The following PTPRD variants were observed in gnomAD, a reference collection of about 807,000 sequenced individuals.
The protein encoded by PTPRD is protein tyrosine phosphatase receptor type D.
A neutral mutation model predicts 214.5 loss-of-function variants in PTPRD; 34 were observed. The observed-to-expected ratio is 0.16, with a 90% confidence interval of 0.12 to 0.21. PTPRD has a LOEUF of 0.21. PTPRD is among the 10% of genes least tolerant of loss of function. PTPRD has a pLI of 1.00. For missense variants in PTPRD, 2,545 were observed against 2,398.7 expected, an observed-to-expected ratio of 1.06 and a Z score of -1.27; for synonymous variants, 1,128 against 845.7, an observed-to-expected ratio of 1.33 and a Z score of -5.79.
intron 11 of PTPRD, among the ~76,000 whole-genome samples, chr9:8,918,745 T>C (rs2098804843): frequency 6.6e-6 from 1 of 152,186 alleles, no homozygotes; most frequent in Admixed American, 6.5e-5. Context: ...TTCAGATATT[T>C]CTATTCGGAT....
At chr9:9,240,105 A>C (rs2099969632) in intron 9 of PTPRD, among the ~76,000 whole-genome samples, 1 of 152,286 alleles carries the variant, frequency 6.6e-6, no homozygotes, top group African/African-American at 2.4e-5. Flanking sequence ...AAATTCAATA[A>C]GATATAAGTG....
chr9:8,938,305 A>G (rs1387423289), intron 11 of PTPRD, among the ~76,000 whole-genome samples: 2 of 152,002 alleles, frequency 1.3e-5, no homozygotes, highest in East Asian at 3.9e-4. Context: ...AGGAGGGAGA[A>G]GAGAGAAGAG....
chr9:10,464,504 T>C (rs1172959670), intron 2 of PTPRD, among the ~76,000 whole-genome samples: 1 of 150,548 alleles, frequency 6.6e-6, no homozygotes, highest in African/African-American at 2.4e-5. Context: ...AAGATGAAGA[T>C]GAAGATGAAG....
chr9:10,061,397 A>G (rs910190892), intron 3 of PTPRD, among the ~76,000 whole-genome samples: 4 of 152,084 alleles, frequency 2.6e-5, no homozygotes, highest in Non-Finnish European at 4.4e-5. Context: ...TTCAGATTAC[A>G]TTGCTTAGCA....
intron 3 of PTPRD, among the ~76,000 whole-genome samples, chr9:10,275,913 A>G (rs984730286): frequency 6.6e-6 from 1 of 152,190 alleles, no homozygotes; most frequent in Non-Finnish European, 1.5e-5. Flanking sequence ...GGGGTTTGAG[A>G]GCCAGTGTAA....
At chr9:8,638,305 A>G (rs1029202808) in intron 12 of PTPRD, among the ~76,000 whole-genome samples, 1 of 152,046 alleles carries the variant, frequency 6.6e-6, no homozygotes, top group African/African-American at 2.4e-5. Context: ...TCTTCTCTGT[A>G]TTGATTTCAT....
At chr9:8,614,077 T>C (rs977100802) in intron 14 of PTPRD, among the ~76,000 whole-genome samples, 16 of 152,260 alleles carry the variant, frequency 1.1e-4, no homozygotes, top group Middle Eastern at 3.4e-3. Context: ...ATTTTTAATA[T>C]ACTGTCATTC....
At chr9:8,744,839 G>A (rs938139095) in intron 11 of PTPRD, among the ~76,000 whole-genome samples, 13 of 152,126 alleles carry the variant, frequency 8.5e-5, no homozygotes, top group African/African-American at 2.4e-4. Flanking sequence ...TAATCCCAAC[G>A]TTGTCCTCAT....
intron 8 of PTPRD, among the ~76,000 whole-genome samples, chr9:9,439,442 T>C (rs887937366): frequency 6.6e-6 from 1 of 152,188 alleles, no homozygotes; most frequent in Non-Finnish European, 1.5e-5. Context: ...AATAATGTGA[T>C]AAACTATTGG....
At position 9,692,654 on chromosome 9, in the gene PTPRD, T is replaced by C. The variant is rs946642431; in HGVS notation, c.-287+41879A>G. ...AAATTTTAAGTTTTTTTTTTTTCTA[T>C]TTCTGTGAAGACTGTCATTGGTATT... On this transcript the variant is annotated intron_variant, in intron 7 of 45. Transcript: ENST00000381196. Among the ~76,000 whole-genome samples, 127 of 149,880 alleles carry C rather than the reference T, an allele frequency of 8.5e-4. 1 individual carries two copies. Among genetic ancestry groups the C allele is most frequent in the Non-Finnish European group, 1.6e-3 (106 of 67,352 alleles).
chr9:9,537,186 G>A (rs1441729196), intron 8 of PTPRD, among the ~76,000 whole-genome samples: 2 of 151,872 alleles, frequency 1.3e-5, no homozygotes, highest in South Asian at 2.1e-4. Context: ...TCTTACCTGT[G>A]CTATTTCATG....
At chr9:9,836,267 C>T (rs925806280) in intron 5 of PTPRD, among the ~76,000 whole-genome samples, 2 of 152,084 alleles carry the variant, frequency 1.3e-5, no homozygotes, top group Non-Finnish European at 2.9e-5. Context: ...TAACTTAAGG[C>T]TTATTTGAAT....
chr9:9,689,166 C>T (rs187490905), intron 7 of PTPRD, among the ~76,000 whole-genome samples: 182 of 151,758 alleles, frequency 1.2e-3, no homozygotes, highest in Non-Finnish European at 2.0e-3. Context: ...TTTTAGATTC[C>T]AATTTCACGA....
intron 11 of PTPRD, among the ~76,000 whole-genome samples, chr9:8,824,082 G>GT (rs2097129647): frequency 6.6e-6 from 1 of 152,198 alleles, no homozygotes; most frequent in Non-Finnish European, 1.5e-5. Flanking sequence ...CCACTTTGGT[G>GT]TTGGTGGGTT....
At chr9:8,359,729 A>G (rs1588624481) in intron 39 of PTPRD, among the ~76,000 whole-genome samples, 4 of 152,304 alleles carry the variant, frequency 2.6e-5, no homozygotes, top group Admixed American at 2.6e-4. Context: ...TTACAGGTGG[A>G]GAGACTCAGG....
rs146497229 is a variant in PTPRD, at chr9:8,722,894, C to T, written c.64+10886G>A. 6.1e-4 allele frequency among the ~76,000 whole-genome samples: 93 copies of T among 152,266 alleles called. No individual in the cohort carries two copies. In the East Asian group the frequency reaches 0.013, roughly 22 times the overall value. ...AGTCTTTGGTGTTGCAAGTCTATATCGGCTGGTGCAAAGAAAATTTCAGTT... is the reference window on the plus strand; with the variant it reads ...AGTCTTTGGTGTTGCAAGTCTATATTGGCTGGTGCAAAGAAAATTTCAGTT... On this transcript the variant is annotated intron_variant, in intron 12 of 45. Coordinates refer to ENST00000381196, the MANE Select transcript of PTPRD (RefSeq NM_002839.4).
intron 9 of PTPRD, among the ~76,000 whole-genome samples, chr9:9,325,551 A>G (rs1333721582): frequency 6.6e-6 from 1 of 152,134 alleles, no homozygotes; most frequent in East Asian, 1.9e-4. Flanking sequence ...TTGTATCCTG[A>G]GACTTTGCTG....
chr9:9,777,112 G>A (rs2098804335), intron 5 of PTPRD, among the ~76,000 whole-genome samples: 1 of 152,160 alleles, frequency 6.6e-6, no homozygotes, highest in South Asian at 2.1e-4. Flanking sequence ...TGGCTAACAT[G>A]TAATATAGTA....
At chr9:9,295,401 G>A (rs1176165094) in intron 9 of PTPRD, among the ~76,000 whole-genome samples, 2 of 151,498 alleles carry the variant, frequency 1.3e-5, no homozygotes, top group African/African-American at 2.4e-5. Context: ...TGACAGTTCT[G>A]TCACAAAAAT....
Sources: gnomAD v4.1 joint callset for allele counts (sites outside exome capture counted in the v4.1 genomes callset) on GRCh38, gnomAD v4.1.1 for gene constraint, MANE v1.5 for transcripts, NCBI Gene and HGNC (gene_info 2026-07-23, HGNC 2026-07-21) for gene names.